The following TANC2 variants were observed in gnomAD, a reference collection of about 807,000 sequenced individuals.
TANC2 encodes the protein tetratricopeptide repeat, ankyrin repeat and coiled-coil containing 2, also known as protein TANC2.
A neutral mutation model predicts 210.5 loss-of-function variants in TANC2; 26 were observed. The ratio of observed to expected loss-of-function variants is 0.12; its 90% CI spans 0.09 to 0.17. The LOEUF is 0.17. Ranked by LOEUF, TANC2 falls within the 10% of genes least tolerant of loss-of-function variation. TANC2 has a pLI of 1.00. For synonymous variants in TANC2, 931 were observed against 967.1 expected (o/e 0.96, Z 0.69); for missense variants, 2,129 against 2,608.9 (o/e 0.82, Z 4.01).
chr17:63,170,210 G>A (rs559135644), intron 5 of TANC2, among the ~76,000 whole-genome samples: 15 of 151,332 alleles, frequency 9.9e-5, no homozygotes, highest in African/African-American at 3.6e-4. Flanking sequence ...GGCAGATCAC[G>A]AGTCAGGAGA....
At chr17:63,120,472 A>G (rs1410628158) in intron 4 of TANC2, among the ~76,000 whole-genome samples, 1 of 152,094 alleles carries the variant, frequency 6.6e-6, no homozygotes, top group East Asian at 1.9e-4. Flanking sequence ...TAGCCCCTCA[A>G]TTTCAAACTA....
At chr17:63,232,276 T>A (rs1302977298) in intron 7 of TANC2, among the ~76,000 whole-genome samples, 1 of 152,236 alleles carries the variant, frequency 6.6e-6, no homozygotes, top group African/African-American at 2.4e-5. Flanking sequence ...TCTCAGCCTC[T>A]GCCCAATTCT....
intron 9 of TANC2, among the ~76,000 whole-genome samples, chr17:63,282,244 G>GA (rs1048761877): frequency 1.3e-5 from 2 of 151,790 alleles, no homozygotes; most frequent in Admixed American, 6.6e-5. Flanking sequence ...TATTGCTTAA[G>GA]AAAAATGGGA....
chr17:63,005,416 G>A (rs558153542), intron 1 of TANC2, among the ~76,000 whole-genome samples: 2 of 151,858 alleles, frequency 1.3e-5, no homozygotes, highest in Admixed American at 6.6e-5. Context: ...CATTGCTTTG[G>A]TGTTTTCATT....
intron 9 of TANC2, among the ~76,000 whole-genome samples, chr17:63,283,292 A>G (rs938194882): frequency 6.6e-6 from 1 of 151,940 alleles, no homozygotes; most frequent in African/African-American, 2.4e-5. Flanking sequence ...ATATAGTTCT[A>G]TTTCTGGACT....
chr17:63,420,456 A>G lies in TANC2; in HGVS notation c.4726A>G (p.Thr1576Ala). 6.2e-7 allele frequency: 1 copy of G among 1,613,630 alleles called. No individual in the cohort carries two copies. Among genetic ancestry groups the G allele is most frequent in the Non-Finnish European group, 8.5e-7 (1 of 1,179,812 alleles). Residue 1576 changes from threonine (T) to alanine (A), a missense_variant, in exon 28 of 28, where the codon ACT becomes GCT. Transcript: ENST00000689528. This position sits in a 1 kb window ranked among gnomAD's most constrained non-coding sequence, Gnocchi z 4.2. Reference sequence around the variant, plus strand: ...GTCCACCTCACCTGCCCTTTCTCCAACTCATCAGAACTCACATTACAGGCC... The same window carrying G: ...GTCCACCTCACCTGCCCTTTCTCCAGCTCATCAGAACTCACATTACAGGCC...
chr17:63,063,211 A>G (rs1345677353), intron 2 of TANC2, among the ~76,000 whole-genome samples: 2 of 152,202 alleles, frequency 1.3e-5, no homozygotes, highest in Non-Finnish European at 2.9e-5. Flanking sequence ...CGGAGCTTCC[A>G]TGCCCCCTTG....
At chr17:63,378,017 G>C (rs977874775) in intron 14 of TANC2, among the ~76,000 whole-genome samples, 1 of 152,122 alleles carries the variant, frequency 6.6e-6, no homozygotes. Flanking sequence ...CTCCCACCAA[G>C]TCCCTCCCAT....
intron 13 of TANC2, among the ~76,000 whole-genome samples, chr17:63,353,694 A>C (rs1423410067): frequency 6.6e-6 from 1 of 152,074 alleles, no homozygotes; most frequent in Non-Finnish European, 1.5e-5. Context: ...GAGCCAGCAA[A>C]AAAGGGAAGG....
Position 63,167,333 on chromosome 17 carries a change from ATATAAT to A in TANC2, c.433+15958_433+15963del, listed in dbSNP as rs1319703533. 3.3e-5 allele frequency among the ~76,000 whole-genome samples: 5 copies of A among 152,208 alleles called. No individual in the cohort carries two copies. In the East Asian group the frequency reaches 5.8e-4, roughly 18 times the overall value. On this transcript the variant is annotated intron_variant, in intron 5 of 27. Transcript: ENST00000689528. ...TCAAAAATGATAATATAATGAAAAA[ATATAAT>A]TATATTGTATGTTCTACAAGTATAA... is the stretch of plus-strand genomic sequence containing the variant.
chr17:63,187,460 A>G (rs1168714652), intron 5 of TANC2, among the ~76,000 whole-genome samples: 1 of 152,230 alleles, frequency 6.6e-6, no homozygotes, highest in Non-Finnish European at 1.5e-5. Flanking sequence ...GGTTAATGGT[A>G]TACTTAATTG....
At chr17:63,213,959 C>T (rs959067080) in intron 7 of TANC2, among the ~76,000 whole-genome samples, 2 of 151,818 alleles carry the variant, frequency 1.3e-5, no homozygotes, top group East Asian at 1.9e-4. Context: ...AGAGTACAAG[C>T]CAGGGAAGCA....
intron 3 of TANC2, among the ~76,000 whole-genome samples, chr17:63,075,002 A>G (rs1227476396): frequency 6.6e-6 from 1 of 152,130 alleles, no homozygotes; most frequent in African/African-American, 2.4e-5. Context: ...TTAGAGCTGT[A>G]CTATTTTTAT....
intron 4 of TANC2, among the ~76,000 whole-genome samples, chr17:63,116,297 TA>T (rs1341481963): frequency 1.3e-5 from 2 of 152,202 alleles, no homozygotes; most frequent in African/African-American, 4.8e-5. Context: ...CAGAAGACTA[TA>T]GAGAGAGTAC....
intron 2 of TANC2, among the ~76,000 whole-genome samples, chr17:63,027,221 T>C (rs1352525926): frequency 2.6e-5 from 4 of 152,136 alleles, no homozygotes; most frequent in Non-Finnish European, 5.9e-5. Context: ...TTGGATGCTA[T>C]TGCTGAAGAT....
chr17:63,250,122 A>C (rs1222339957), intron 8 of TANC2, among the ~76,000 whole-genome samples: 1 of 152,130 alleles, frequency 6.6e-6, no homozygotes, highest in African/African-American at 2.4e-5. Context: ...TTCTCAAAAC[A>C]AGTCTTTTAA....
chr17:63,085,946 A>C (rs531966172), intron 3 of TANC2, among the ~76,000 whole-genome samples: 5 of 152,008 alleles, frequency 3.3e-5, no homozygotes, highest in African/African-American at 1.2e-4. Flanking sequence ...TCTGGCAACA[A>C]ATTTTCTGTT....
intron 7 of TANC2, among the ~76,000 whole-genome samples, chr17:63,205,027 G>T (rs2041654591): frequency 6.6e-6 from 1 of 152,138 alleles, no homozygotes; most frequent in Admixed American, 6.5e-5. Context: ...AGAGGTTGCA[G>T]TGAGCTGAGA....
chr17:63,388,100 A>G (rs2047842929), intron 15 of TANC2: 1 of 152,468 alleles, frequency 6.6e-6, no homozygotes, highest in African/African-American at 2.4e-5. Flanking sequence ...TGTAATCAAA[A>G]GGAACAATAG....
Sources: gnomAD v4.1 joint callset for allele counts (sites outside exome capture counted in the v4.1 genomes callset) on GRCh38, gnomAD v4.1.1 for gene constraint, Gnocchi (gnomAD v3.1) non-coding constraint, MANE v1.5 for transcripts, NCBI Gene and HGNC (gene_info 2026-07-23, HGNC 2026-07-21) for gene names.